The following IFT43 variants were observed in gnomAD, a reference collection of about 807,000 sequenced individuals.
The protein encoded by IFT43 is intraflagellar transport 43, also known as intraflagellar transport protein 43 homolog.
A neutral mutation model predicts 32.3 loss-of-function variants in IFT43; 33 were observed. The observed-to-expected ratio is 1.02, with a 90% CI of 0.77 to 1.37. The LOEUF is 1.37. Among genes scored for constraint, IFT43 ranks in the 40% most tolerant of loss-of-function variants. IFT43 has a pLI of 0.00. For synonymous variants in IFT43, 93 were observed against 98.2 expected (o/e 0.95, Z 0.31); for missense variants, 274 against 265.9 (o/e 1.03, Z -0.21).
chr14:76,058,475 G>C (rs867071789), intron 3 of IFT43, 167 bp from the exon 4 acceptor site: 3 of 682,074 alleles, frequency 4.4e-6, no homozygotes, highest in Middle Eastern at 4.2e-4. Context: ...AGCATCTTCA[G>C]TTCTCTCATG....
At chr14:76,018,496 G>A (rs1037348501) in intron 2 of IFT43, among the ~76,000 whole-genome samples, 8 of 152,096 alleles carry the variant, frequency 5.3e-5, no homozygotes, top group South Asian at 2.1e-4. Flanking sequence ...AATGTTCCAC[G>A]TGCTGATGAG....
chr14:76,027,811 A>G (rs895792345), intron 3 of IFT43, among the ~76,000 whole-genome samples: 2 of 151,938 alleles, frequency 1.3e-5, no homozygotes, highest in African/African-American at 4.8e-5. Context: ...TATTTAATAT[A>G]TAGTTTATAT....
intron 3 of IFT43, among the ~76,000 whole-genome samples, chr14:76,023,241 A>C (rs561093589): frequency 1.8e-4 from 27 of 152,318 alleles, no homozygotes; most frequent in South Asian, 1.4e-3. Context: ...AGACTGAAGG[A>C]AATTACATAT....
intron 2 of IFT43, among the ~76,000 whole-genome samples, chr14:76,009,690 A>T (rs2036043974): frequency 6.6e-6 from 1 of 152,218 alleles, no homozygotes; most frequent in African/African-American, 2.4e-5. Flanking sequence ...GAAGTTTGGA[A>T]GTGGGAGGAA....
chr14:76,009,461 A>G (rs1324604031), intron 2 of IFT43, among the ~76,000 whole-genome samples: 1 of 152,198 alleles, frequency 6.6e-6, no homozygotes, highest in Non-Finnish European at 1.5e-5. Flanking sequence ...AGCTTGGCTT[A>G]TTCACCAACA....
At chr14:76,022,910 T>C (rs1381428152) in intron 3 of IFT43, among the ~76,000 whole-genome samples, 1 of 152,222 alleles carries the variant, frequency 6.6e-6, no homozygotes, top group Admixed American at 6.5e-5. Flanking sequence ...CTGACATATA[T>C]CAGTCATCAT....
At chr14:76,009,525 C>T (rs1036943310) in intron 2 of IFT43, among the ~76,000 whole-genome samples, 2 of 152,204 alleles carry the variant, frequency 1.3e-5, no homozygotes, top group Non-Finnish European at 2.9e-5. Context: ...TGTGTTCTCT[C>T]TATTTTTGTC....
chr14:76,051,372 G>A lies in IFT43; in HGVS notation c.216-7270G>A, dbSNP rs117959809. Reference sequence around the variant, plus strand: ...ATGAGAAATATCTAGCTTTTAATGAGTATTGCAGGTGTGGGGGCAGCTTAG... The same window carrying A: ...ATGAGAAATATCTAGCTTTTAATGAATATTGCAGGTGTGGGGGCAGCTTAG... On this transcript the variant is annotated intron_variant, in intron 3 of 8. Transcript: ENST00000314067. Among the ~76,000 whole-genome samples the A allele has an allele frequency of 2.6e-5, 4 of 151,872 alleles. No individual in the cohort carries two copies. The East Asian group carries it at 7.7e-4, about 29-fold the overall frequency.
At chr14:76,078,537 AGAAT>A (rs1226880369) in intron 5 of IFT43, among the ~76,000 whole-genome samples, 3 of 152,240 alleles carry the variant, frequency 2.0e-5, no homozygotes. Context: ...AATGAATGAA[AGAAT>A]GAATGAACAA....
intron 3 of IFT43, among the ~76,000 whole-genome samples, chr14:76,043,102 C>T (rs1482117902): frequency 6.6e-6 from 1 of 152,304 alleles, no homozygotes; most frequent in East Asian, 1.9e-4. Context: ...GTCTCTTCAG[C>T]CTTACACACA....
chr14:76,059,041 G>A, intron 4 of IFT43: 1 of 1,422,118 alleles, frequency 7.0e-7, no homozygotes, highest in Non-Finnish European at 9.1e-7. Context: ...TCTAGATAAA[G>A]GTGCTGTGAA....
chr14:76,029,074 C>T (rs1278031594), intron 3 of IFT43, among the ~76,000 whole-genome samples: 1 of 152,234 alleles, frequency 6.6e-6, no homozygotes, highest in Non-Finnish European at 1.5e-5. Context: ...AACTAATTTA[C>T]ATTCCCACCA....
At chr14:76,032,792 A>ATG (rs150992349) in intron 3 of IFT43, among the ~76,000 whole-genome samples, 304 of 152,324 alleles carry the variant, frequency 2.0e-3, no homozygotes, top group African/African-American at 6.6e-3. Flanking sequence ...AACCAGGGCC[A>ATG]TGTTGTGAGG....
intron 5 of IFT43, among the ~76,000 whole-genome samples, chr14:76,077,693 A>G (rs2037435519): frequency 6.6e-6 from 1 of 152,200 alleles, no homozygotes; most frequent in Admixed American, 6.5e-5. Context: ...AGGAAGAGAC[A>G]TGCATTTTCT....
intron 3 of IFT43, among the ~76,000 whole-genome samples, chr14:76,041,547 C>G (rs1203943632): frequency 2.0e-5 from 3 of 152,218 alleles, no homozygotes; most frequent in Non-Finnish European, 4.4e-5. Context: ...CCCACTGATT[C>G]TGTTTTTTAA....
At position 76,018,477 on chromosome 14, in the gene IFT43, A is replaced by G. The variant is rs538082395; in HGVS notation, c.148-3850A>G. On this transcript the variant is annotated intron_variant, in intron 2 of 8. Coordinates refer to ENST00000314067, the MANE Select transcript of IFT43 (RefSeq NM_001102564.3). Reference sequence around the variant, plus strand: ...TGTTTTGTGGCCTAACATATGGTCTATTCTGGAGAATGTTCCACGTGCTGA... The same window carrying G: ...TGTTTTGTGGCCTAACATATGGTCTGTTCTGGAGAATGTTCCACGTGCTGA... Among the ~76,000 whole-genome samples, 173 of 152,308 alleles carry G rather than the reference A, an allele frequency of 1.1e-3. 1 individual carries two copies. Among genetic ancestry groups the G allele is most frequent in the African/African-American group, 4.0e-3 (165 of 41,586 alleles).
At chr14:75,994,728 A>G (rs2035710616) in intron 2 of IFT43, among the ~76,000 whole-genome samples, 3 of 152,234 alleles carry the variant, frequency 2.0e-5, no homozygotes, top group South Asian at 2.1e-4. Context: ...AGATAGTTCT[A>G]TGATGAGTGT....
intron 5 of IFT43, among the ~76,000 whole-genome samples, chr14:76,074,205 A>G (rs952192654): frequency 6.6e-6 from 1 of 152,180 alleles, no homozygotes; most frequent in Non-Finnish European, 1.5e-5. Context: ...GGCGGCTCTG[A>G]GAAGGTGCTC....
intron 2 of IFT43, among the ~76,000 whole-genome samples, chr14:76,002,452 TGAG>T (rs1486749737): frequency 6.6e-6 from 1 of 151,270 alleles, no homozygotes; most frequent in Non-Finnish European, 1.5e-5. Context: ...AGTTGTTAGA[TGAG>T]GAGGGAAGGA....
Sources: allele counts gnomAD v4.1 joint callset (sites outside exome capture counted in the v4.1 genomes callset), GRCh38; gene constraint gnomAD v4.1.1; transcripts MANE v1.5; gene names NCBI Gene and HGNC (gene_info 2026-07-23, HGNC 2026-07-21).